ZPLD1: variants seen among roughly 807,000 people sequenced by gnomAD.
The protein encoded by ZPLD1 is zona pellucida-like domain-containing protein 1.
ZPLD1 carries 34 observed loss-of-function variants against 47.2 expected under a neutral mutation model. That is an observed-to-expected ratio of 0.72 (90% confidence interval 0.55 to 0.96). The LOEUF (loss-of-function observed/expected upper bound fraction) is 0.96. Ranked by LOEUF, ZPLD1 falls within the 40% of genes least tolerant of loss-of-function variation. The pLI, the probability that ZPLD1 is intolerant of heterozygous loss-of-function variation, is 0.00. For missense variants in ZPLD1, 512 were observed against 505.8 expected (o/e 1.01, Z -0.12); for synonymous variants, 176 against 186.2 (o/e 0.95, Z 0.45).
chr3:102,461,529 G>T (rs1324888879), intron 6 of ZPLD1, among the ~76,000 whole-genome samples: 1 of 152,016 alleles, frequency 6.6e-6, no homozygotes, highest in Non-Finnish European at 1.5e-5. Context: ...AAGAATTTGT[G>T]CAGGAACCAT....
At chr3:102,396,535 T>C (rs1294110051) in intron 7 of ZPLD1, among the ~76,000 whole-genome samples, 1 of 152,160 alleles carries the variant, frequency 6.6e-6, no homozygotes, top group African/African-American at 2.4e-5. Context: ...GATTTTTAGC[T>C]ACATAAAACT....
rs544477369 is a variant in ZPLD1, at chr3:102,418,243, A to T, written c.-9+36A>T. On this transcript the variant is annotated intron_variant, in intron 8 of 17. Coordinates refer to the ZPLD1 transcript ENST00000491959. The stretch of plus-strand genomic sequence containing the variant: ...AGCACTGAAGCCACCTGAAGTGACT[A>T]AAAATGCTGCCTTTTTACTAAGCAT... 3 of 152,494 alleles carry T rather than the reference A, an allele frequency of 2.0e-5. No homozygotes were observed. The East Asian group carries it at 5.9e-4, about 30-fold the overall frequency. The allele number at this position is 152,494 out of a possible 1,614,324, so 9.4% of individuals were successfully genotyped here.
intron 10 of ZPLD1, among the ~76,000 whole-genome samples, chr3:102,472,389 A>G (rs2107357693): frequency 6.6e-6 from 1 of 152,216 alleles, no homozygotes; most frequent in East Asian, 1.9e-4. Context: ...GAAATTAGCC[A>G]GGTGTGGTGG....
rs1229374490 is a variant in ZPLD1, at chr3:102,477,929, G to A, written c.*311G>A. 2 of 193,186 alleles carry A rather than the reference G, an allele frequency of 1.0e-5. No homozygotes were observed. The highest frequency in any genetic ancestry group is 2.1e-5 in the Non-Finnish European group (2 of 95,506). The allele number at this position is 193,186 out of a possible 1,614,324, so 12.0% of individuals were successfully genotyped here. ...TATTTCAGTTTTCTTTTGATTGTTGGTTAAAAGATAAAAGGTGGGAGTAGA... is the reference window on the plus strand; with the variant it reads ...TATTTCAGTTTTCTTTTGATTGTTGATTAAAAGATAAAAGGTGGGAGTAGA... On this transcript the variant is annotated 3_prime_UTR_variant, in exon 12 of 12. Transcript: ENST00000466937.
chr3:102,430,538 C>T (rs1707004027), upstream of ZPLD1, among the ~76,000 whole-genome samples: 2 of 151,986 alleles, frequency 1.3e-5, no homozygotes, highest in African/African-American at 4.8e-5. Flanking sequence ...AAACTGCTCA[C>T]CAAAAATATG....
chr3:102,387,398 T>C (rs1706435305), intron 6 of ZPLD1, among the ~76,000 whole-genome samples: 1 of 152,236 alleles, frequency 6.6e-6, no homozygotes, highest in Non-Finnish European at 1.5e-5. Flanking sequence ...GACATTTGTA[T>C]ATTGAGATGC....
intron 3 of ZPLD1, among the ~76,000 whole-genome samples, chr3:102,442,983 A>G (rs1417399556): frequency 6.6e-6 from 1 of 152,196 alleles, no homozygotes; most frequent in African/African-American, 2.4e-5. Context: ...TTAGAGTACC[A>G]AGGAATTATT....
intron 6 of ZPLD1, among the ~76,000 whole-genome samples, chr3:102,391,371 C>CCATT (rs1706493199): frequency 6.6e-6 from 1 of 152,130 alleles, no homozygotes; most frequent in African/African-American, 2.4e-5. Flanking sequence ...CTCCCATCTC[C>CCATT]CATTCCCTTC....
upstream of ZPLD1, among the ~76,000 whole-genome samples, chr3:102,433,348 A>G (rs535502858): frequency 6.6e-6 from 1 of 152,260 alleles, no homozygotes; most frequent in East Asian, 1.9e-4. Context: ...TCTGCTTAGC[A>G]TTGGGCAAAT....
rs192406176 is a variant in ZPLD1, at chr3:102,388,019, C to G, written c.-213+2702C>G. ...GGAACTACAGGCGCCCGCCACCACG[C>G]CCAGCTAATTTTTTGTATTTTTAGT... On this transcript the variant is annotated intron_variant, in intron 6 of 17. Transcript: ENST00000491959. 1.3e-3 allele frequency among the ~76,000 whole-genome samples: 191 copies of G among 152,090 alleles called. 1 individual carries two copies. Among genetic ancestry groups the G allele is most frequent in the African/African-American group, 4.3e-3 (179 of 41,492 alleles).
At chr3:102,457,675 GT>G (rs1278863821) in intron 5 of ZPLD1, 105 bp from the exon 6 acceptor site, 7 of 960,252 alleles carry the variant, frequency 7.3e-6, no homozygotes, top group Non-Finnish European at 9.9e-6. Context: ...ATAATTAACA[GT>G]ATGTCAGAAT....
chr3:102,477,023 AC>A lies in ZPLD1; in HGVS notation c.1056del (p.Asn353ThrfsTer15). 1.2e-6 allele frequency: 2 copies of A among 1,613,648 alleles called. No individual in the cohort carries two copies. Among genetic ancestry groups the A allele is most frequent in the Non-Finnish European group, 1.7e-6 (2 of 1,179,670 alleles). Reference sequence around the variant, plus strand: ...TTTTTTCCCCTCAGATGAGACTCCAACCAACAATTCGCAACTTGGTAAGATA... The same window carrying A: ...TTTTTTCCCCTCAGATGAGACTCCAACAACAATTCGCAACTTGGTAAGATA... ...PIITRSDETP[T>X]NNSQLGSPSM... is the part of the protein sequence containing the mutation. On this transcript the variant is annotated frameshift_variant, in exon 11 of 12. Coordinates refer to ENST00000466937, the MANE Select transcript of ZPLD1 (RefSeq NM_001329788.2). LOFTEE classifies it high-confidence loss of function.
At chr3:102,473,005 G>A (rs373044292) in intron 10 of ZPLD1, among the ~76,000 whole-genome samples, 12 of 152,120 alleles carry the variant, frequency 7.9e-5, no homozygotes, top group South Asian at 4.1e-4. Flanking sequence ...GAGCAAAGTC[G>A]TATCTTAAAT....
chr3:102,397,164 G>GA (rs1271774430), intron 7 of ZPLD1, among the ~76,000 whole-genome samples: 1 of 151,972 alleles, frequency 6.6e-6, no homozygotes, highest in East Asian at 1.9e-4. Context: ...ATTACAGTCA[G>GA]AAAAAAATTT....
Position 102,479,814 on chromosome 3 carries a change from G to A in ZPLD1, c.*2196G>A, listed in dbSNP as rs542824910. 2 of 151,844 alleles carry A rather than the reference G, an allele frequency of 1.3e-5. No individual in the cohort carries two copies. Among genetic ancestry groups the A allele is most frequent in the Admixed American group, 1.3e-4 (2 of 15,254 alleles). 9.4% of individuals were successfully genotyped at this position (151,844 alleles called of 1,614,324 possible). ...GTCTGATGACATGTAAAAGATGATC[G>A]TTTAATAAAATAATTGTTTAAAATG... On this transcript the variant is annotated 3_prime_UTR_variant, in exon 12 of 12. Coordinates refer to ENST00000466937, the MANE Select transcript of ZPLD1 (RefSeq NM_001329788.2).
chr3:102,449,999 TA>T (rs1707312461), intron 3 of ZPLD1, among the ~76,000 whole-genome samples: 2 of 152,204 alleles, frequency 1.3e-5, no homozygotes. Flanking sequence ...CTATGGGACT[TA>T]TAGTTTATTA....
intron 7 of ZPLD1, among the ~76,000 whole-genome samples, chr3:102,463,883 CAAA>C (rs1211126564): frequency 1.1e-4 from 12 of 110,160 alleles, no homozygotes; most frequent in African/African-American, 2.7e-4. Context: ...ATTAAAAATA[CAAA>C]AAAAAAAAAA....
chr3:102,411,453 G>A (rs1297890993), intron 7 of ZPLD1, among the ~76,000 whole-genome samples: 1 of 151,848 alleles, frequency 6.6e-6, no homozygotes, highest in Admixed American at 6.6e-5. Flanking sequence ...AGTTATTTAT[G>A]CTTTGGAAAA....
At chr3:102,444,457 A>G (rs909120493) in intron 3 of ZPLD1, among the ~76,000 whole-genome samples, 2 of 152,168 alleles carry the variant, frequency 1.3e-5, no homozygotes, top group African/African-American at 4.8e-5. Context: ...TAGGACTTCT[A>G]GCTCTTTTAG....
Sources: allele counts gnomAD v4.1 joint callset (sites outside exome capture counted in the v4.1 genomes callset), GRCh38; gene constraint gnomAD v4.1.1; transcripts MANE v1.5; gene names NCBI Gene and HGNC (gene_info 2026-07-23, HGNC 2026-07-21).